The following INVS variants were observed in gnomAD, a reference collection of about 807,000 sequenced individuals.
The protein encoded by INVS is inversion of embryo turning homolog.
INVS carries 86 observed loss-of-function variants against 108.8 expected under a neutral mutation model. The observed-to-expected ratio is 0.79, with a 90% CI of 0.66 to 0.95. The LOEUF is 0.95. Ranked by LOEUF, INVS falls within the 40% of genes least tolerant of loss-of-function variation. The pLI is 0.00. For missense variants in INVS, 1,169 were observed against 1,297.4 expected (o/e 0.90, Z 1.52); for synonymous variants, 455 against 473.5 (o/e 0.96, Z 0.51).
intron 16 of INVS, among the ~76,000 whole-genome samples, chr9:100,298,514 C>T (rs1310974072): frequency 6.6e-6 from 1 of 152,026 alleles, no homozygotes; most frequent in Non-Finnish European, 1.5e-5. Flanking sequence ...CTTAGGGCCC[C>T]CTCATTCACA....
intron 3 of INVS, chr9:100,175,732 A>T: frequency 1.6e-6 from 1 of 629,816 alleles, no homozygotes; most frequent in East Asian, 3.6e-5. Flanking sequence ...ATGCAGAGCA[A>T]CCAGACCTGT....
intron 3 of INVS, among the ~76,000 whole-genome samples, chr9:100,150,142 T>C (rs1019342607): frequency 6.6e-6 from 1 of 152,212 alleles, no homozygotes; most frequent in African/African-American, 2.4e-5. Context: ...CCAAAGCTTC[T>C]TTCTTTAAAT....
chr9:100,214,577 G>T (rs1480072714), intron 3 of INVS, among the ~76,000 whole-genome samples: 3 of 152,220 alleles, frequency 2.0e-5, no homozygotes, highest in Non-Finnish European at 4.4e-5. Context: ...CATGTCAGAA[G>T]AAGCATATGG....
chr9:100,248,789 G>A (rs1297787526), intron 8 of INVS, among the ~76,000 whole-genome samples: 1 of 152,024 alleles, frequency 6.6e-6, no homozygotes, highest in African/African-American at 2.4e-5. Flanking sequence ...CACCAATAGA[G>A]AGCATTGGAG....
At chr9:100,209,769 CAAAAAAAAAA>C (rs58556710) in intron 3 of INVS, among the ~76,000 whole-genome samples, 5 of 72,288 alleles carry the variant, frequency 6.9e-5, no homozygotes, top group African/African-American at 1.4e-4. Context: ...GACTCCGTCT[CAAAAAAAAAA>C]AAAAAAAAAA....
At chr9:100,213,546 C>T (rs978472015) in intron 3 of INVS, among the ~76,000 whole-genome samples, 2 of 151,912 alleles carry the variant, frequency 1.3e-5, no homozygotes, top group Admixed American at 6.6e-5. Flanking sequence ...GAATTATTTG[C>T]GGAGTTTGAG....
intron 10 of INVS, among the ~76,000 whole-genome samples, chr9:100,260,494 A>G (rs760141191): frequency 1.3e-5 from 2 of 152,138 alleles, no homozygotes; most frequent in Non-Finnish European, 2.9e-5. Context: ...CCTGCCTATT[A>G]CATGATTTTC....
At chr9:100,148,936 GAC>G (rs1564133097) in intron 3 of INVS, among the ~76,000 whole-genome samples, 3 of 152,008 alleles carry the variant, frequency 2.0e-5, no homozygotes, top group African/African-American at 7.2e-5. Flanking sequence ...TTGTTAAAGT[GAC>G]AGTAGAACTC....
At chr9:100,291,110 C>A (rs1833599893) in intron 13 of INVS, among the ~76,000 whole-genome samples, 1 of 151,914 alleles carries the variant, frequency 6.6e-6, no homozygotes, top group African/African-American at 2.4e-5. Flanking sequence ...GTCACCCAGG[C>A]TGGAGTGCAG....
Position 100,138,708 on chromosome 9 carries a change from T to TTC in INVS, c.273+12160_273+12161insCT, listed in dbSNP as rs1168923791. Among the ~76,000 whole-genome samples, 10 of 149,294 alleles carry TTC rather than the reference T, an allele frequency of 6.7e-5. No homozygotes were observed. In the East Asian group the frequency reaches 2.0e-3, roughly 29 times the overall value. ...TTTTTATTGATGGTTTCCTTTTTTT[T>TTC]TTTTTTTTTTCCTTTCAAGAGAGAG... On this transcript the variant is annotated intron_variant, in intron 3 of 16. Coordinates refer to ENST00000262457, the MANE Select transcript of INVS (RefSeq NM_014425.5).
intron 14 of INVS, among the ~76,000 whole-genome samples, chr9:100,295,485 C>T (rs1386306130): frequency 2.0e-5 from 3 of 152,120 alleles, no homozygotes; most frequent in Non-Finnish European, 4.4e-5. Flanking sequence ...GAGCCTGAAG[C>T]GCTGTCCTGC....
intron 8 of INVS, among the ~76,000 whole-genome samples, chr9:100,249,892 G>T (rs1005104337): frequency 3.3e-5 from 5 of 151,252 alleles, no homozygotes; most frequent in African/African-American, 1.2e-4. Flanking sequence ...ATCACCTGAG[G>T]TCAGGAGTTT....
chr9:100,259,454 C>T (rs778720578), intron 10 of INVS, among the ~76,000 whole-genome samples: 12 of 152,166 alleles, frequency 7.9e-5, no homozygotes, highest in East Asian at 3.9e-4. Flanking sequence ...GAGATGAACC[C>T]GGTACCTCAG....
intron 1 of INVS, chr9:100,102,591 G>C (rs1431590487): frequency 6.6e-6 from 1 of 152,150 alleles, no homozygotes; most frequent in Non-Finnish European, 1.5e-5. Context: ...TGAAGTCCCA[G>C]CTATTCAGGT....
chr9:100,199,291 T>G (rs962340162), intron 3 of INVS, among the ~76,000 whole-genome samples: 1 of 151,580 alleles, frequency 6.6e-6, no homozygotes, highest in African/African-American at 2.4e-5. Context: ...GTAGACAACA[T>G]AAGCATCTCT....
At chr9:100,164,312 A>G (rs913715597) in intron 3 of INVS, among the ~76,000 whole-genome samples, 2 of 152,196 alleles carry the variant, frequency 1.3e-5, no homozygotes, top group African/African-American at 4.8e-5. Context: ...CATTGTTATT[A>G]ACTCTAGTCA....
chr9:100,122,097 A>G (rs1827742248), intron 2 of INVS, among the ~76,000 whole-genome samples: 1 of 152,140 alleles, frequency 6.6e-6, no homozygotes, highest in Non-Finnish European at 1.5e-5. Flanking sequence ...AGTATATTGT[A>G]TATTTTGGTC....
At chr9:100,245,062 T>C (rs1831999893) in intron 7 of INVS, among the ~76,000 whole-genome samples, 1 of 152,188 alleles carries the variant, frequency 6.6e-6, no homozygotes, top group South Asian at 2.1e-4. Context: ...AGAATCAACA[T>C]TTTATACATT....
intron 3 of INVS, among the ~76,000 whole-genome samples, chr9:100,145,418 G>C (rs1828570356): frequency 6.6e-6 from 1 of 151,936 alleles, no homozygotes; most frequent in African/African-American, 2.4e-5. Flanking sequence ...ATGGAAATAA[G>C]GGATTGGGGT....
Sources: allele counts gnomAD v4.1 joint callset (sites outside exome capture counted in the v4.1 genomes callset), GRCh38; gene constraint gnomAD v4.1.1; transcripts MANE v1.5; gene names NCBI Gene and HGNC (gene_info 2026-07-23, HGNC 2026-07-21).